The following CTNNA2 variants were observed in gnomAD, a reference collection of about 807,000 sequenced individuals.
CTNNA2 encodes catenin alpha-2.
Under a neutral mutation model 101.0 loss-of-function variants are expected in CTNNA2, and 42 were observed. That is an observed-to-expected ratio of 0.42 (90% CI 0.32 to 0.54). CTNNA2 has a LOEUF of 0.54. CTNNA2 is among the 20% of genes least tolerant of loss of function. The probability of loss-of-function intolerance (pLI) is 0.14; values close to 1 mark genes in which losing one functional copy is unlikely to be tolerated. For synonymous variants in CTNNA2, 450 were observed against 456.4 expected (o/e 0.99, Z 0.18); for missense variants, 871 against 1,223.1 (o/e 0.71, Z 4.29).
At chr2:80,280,263 A>G (rs1674264706) in intron 7 of CTNNA2, among the ~76,000 whole-genome samples, 2 of 148,594 alleles carry the variant, frequency 1.3e-5, no homozygotes, top group Admixed American at 1.3e-4. Context: ...ATCCTGGAGT[A>G]TGTGCTGGTG....
At chr2:80,096,575 C>A (rs1700167246) in intron 7 of CTNNA2, among the ~76,000 whole-genome samples, 1 of 152,118 alleles carries the variant, frequency 6.6e-6, no homozygotes, top group South Asian at 2.1e-4. Context: ...AACTTTCTGT[C>A]TTGTTGATCT....
chr2:79,414,564 G>A (rs770892618), intron 4 of CTNNA2, among the ~76,000 whole-genome samples: 6 of 151,870 alleles, frequency 4.0e-5, no homozygotes, highest in Admixed American at 2.0e-4. Flanking sequence ...AAATGTTCTC[G>A]GATTCTCTAC....
At chr2:80,542,740 C>T (rs907675434) in intron 9 of CTNNA2, among the ~76,000 whole-genome samples, 1 of 152,000 alleles carries the variant, frequency 6.6e-6, no homozygotes, top group Non-Finnish European at 1.5e-5. Flanking sequence ...CAAAAACAGC[C>T]ATCATCTAAA....
chr2:79,261,500 G>T (rs150055302), intron 2 of CTNNA2, among the ~76,000 whole-genome samples: 1 of 152,196 alleles, frequency 6.6e-6, no homozygotes. Context: ...ATTTTTCATA[G>T]TTCTGGAGGC....
At position 80,574,303 on chromosome 2, in the gene CTNNA2, C is replaced by T. The variant is rs369395759; in HGVS notation, c.1882C>T (p.Leu628=). 49 of 1,611,964 alleles carry T rather than the reference C, an allele frequency of 3.0e-5. No homozygotes were observed. The African/African-American group carries it at 5.3e-4, about 18-fold the overall frequency. The change falls in exon 13 of 19, where the codon CTG becomes TTG. Residue 628 remains leucine (L), a synonymous_variant. Coordinates refer to ENST00000402739, the MANE Select transcript of CTNNA2 (RefSeq NM_001282597.3). ...CGTTCGGGACATCAGAAAGGCTGTGCTGATGATCAGGGTATGTGAGGCCTC... is the reference window on the plus strand; with the variant it reads ...CGTTCGGGACATCAGAAAGGCTGTGTTGATGATCAGGGTATGTGAGGCCTC... ...DGVRDIRKAV[L]MIRTPEELED...
At chr2:79,583,557 T>A (rs1230940586) in intron 1 of CTNNA2, among the ~76,000 whole-genome samples, 3 of 152,130 alleles carry the variant, frequency 2.0e-5, no homozygotes, top group Non-Finnish European at 4.4e-5. Flanking sequence ...CTAGGTTTAC[T>A]AGGCTGTGTG....
chr2:79,871,506 A>G (rs896867657), intron 5 of CTNNA2, among the ~76,000 whole-genome samples: 1 of 152,156 alleles, frequency 6.6e-6, no homozygotes, highest in Non-Finnish European at 1.5e-5. Context: ...GTCCAAAGGC[A>G]GGAGGAGAAG....
chr2:79,895,120 A>G (rs1684609587), intron 6 of CTNNA2, among the ~76,000 whole-genome samples: 1 of 152,230 alleles, frequency 6.6e-6, no homozygotes, highest in Non-Finnish European at 1.5e-5. Context: ...TATATAATTT[A>G]AATGATCGTT....
chr2:80,070,543 C>CA (rs1698264117), intron 7 of CTNNA2, among the ~76,000 whole-genome samples: 1 of 151,570 alleles, frequency 6.6e-6, no homozygotes, highest in African/African-American at 2.4e-5. Flanking sequence ...TTTGTCTCTA[C>CA]AAAAAAATAA....
chr2:79,882,061 A>G (rs1016220543), intron 6 of CTNNA2, among the ~76,000 whole-genome samples: 30 of 151,980 alleles, frequency 2.0e-4, no homozygotes, highest in African/African-American at 7.0e-4. Context: ...TCCTTTGCTT[A>G]TGAAGCTTAG....
chr2:80,090,227 T>A (rs1326047754), intron 7 of CTNNA2, among the ~76,000 whole-genome samples: 1 of 151,564 alleles, frequency 6.6e-6, no homozygotes, highest in Non-Finnish European at 1.5e-5. Context: ...TGTGCATGCC[T>A]ACATGTGAGT....
At chr2:80,034,008 A>T (rs1298295277) in intron 7 of CTNNA2, among the ~76,000 whole-genome samples, 1 of 151,416 alleles carries the variant, frequency 6.6e-6, no homozygotes, top group Non-Finnish European at 1.5e-5. Flanking sequence ...GAAAGAAAAC[A>T]TGGACAAATT....
At chr2:79,454,770 A>G (rs140644343) in intron 4 of CTNNA2, among the ~76,000 whole-genome samples, 1 of 152,336 alleles carries the variant, frequency 6.6e-6, no homozygotes, top group African/African-American at 2.4e-5. Flanking sequence ...ATTTTATTAA[A>G]TAAGTAGAAA....
At chr2:80,021,595 T>C (rs1162658866) in intron 7 of CTNNA2, among the ~76,000 whole-genome samples, 1 of 152,214 alleles carries the variant, frequency 6.6e-6, no homozygotes, top group African/African-American at 2.4e-5. Flanking sequence ...AGTATTATTT[T>C]ATTTTTTTAA....
Position 80,558,464 on chromosome 2 carries a change from ATGTGTG to A in CTNNA2, c.1741+2589_1741+2594del, listed in dbSNP as rs869129917. Among the ~76,000 whole-genome samples, 45 of 146,208 alleles carry A rather than the reference ATGTGTG, an allele frequency of 3.1e-4. 1 individual carries two copies. Among genetic ancestry groups the A allele is most frequent in the Admixed American group, 1.0e-3 (15 of 14,606 alleles). On this transcript the variant is annotated intron_variant, in intron 12 of 18. Transcript: ENST00000402739. The stretch of plus-strand genomic sequence containing the variant: ...TGTTGGTGTGTGTGTGTGTGTATAT[ATGTGTG>A]TGTGTGTGTGTGTGTGTATATATAT...
At chr2:79,381,874 T>C (rs1218750365) in intron 4 of CTNNA2, among the ~76,000 whole-genome samples, 1 of 152,232 alleles carries the variant, frequency 6.6e-6, no homozygotes. Flanking sequence ...CCTGACCAAA[T>C]GTTTAGCAAT....
intron 3 of CTNNA2, among the ~76,000 whole-genome samples, chr2:79,844,846 T>A (rs1406703515): frequency 6.6e-6 from 1 of 151,948 alleles, no homozygotes; most frequent in Non-Finnish European, 1.5e-5. Flanking sequence ...TAGAAACTCA[T>A]CTATACTCTT....
At chr2:79,290,929 T>TACAG (rs1202687310) in intron 2 of CTNNA2, among the ~76,000 whole-genome samples, 1 of 152,164 alleles carries the variant, frequency 6.6e-6, no homozygotes, top group Non-Finnish European at 1.5e-5. Context: ...GCAAGCTGCC[T>TACAG]ACAGACAGCA....
chr2:79,559,486 C>A (rs991536197), intron 1 of CTNNA2, among the ~76,000 whole-genome samples: 2 of 151,872 alleles, frequency 1.3e-5, no homozygotes, highest in African/African-American at 4.8e-5. Flanking sequence ...GCAGGGAATG[C>A]ACTTAAGAAA....
Sources: allele counts gnomAD v4.1 joint callset (sites outside exome capture counted in the v4.1 genomes callset), GRCh38; gene constraint gnomAD v4.1.1; transcripts MANE v1.5; gene names NCBI Gene and HGNC (gene_info 2026-07-23, HGNC 2026-07-21).